The following NOX4 variants were observed in gnomAD, a reference collection of about 807,000 sequenced individuals.
The protein encoded by NOX4 is NADPH oxidase 4, also known as kidney oxidase-1.
A neutral mutation model predicts 87.6 loss-of-function variants in NOX4; 69 were observed. The observed-to-expected ratio is 0.79, with a 90% CI of 0.65 to 0.96. The LOEUF is 0.96. NOX4 is among the 40% of genes least tolerant of loss of function. The pLI is 0.00. For synonymous variants in NOX4, 275 were observed against 238.2 expected, an observed-to-expected ratio of 1.15 and a Z score of -1.42; for missense variants, 680 against 681.5, an observed-to-expected ratio of 1.00 and a Z score of 0.02.
the NOX4 span, among the ~76,000 whole-genome samples, chr11:89,541,090 A>T: frequency 1.3e-5 from 2 of 152,122 alleles, no homozygotes; most frequent in Non-Finnish European, 2.9e-5. Context: ...TGTTGACTGG[A>T]AACTCTGCCT....
intron 12 of NOX4, among the ~76,000 whole-genome samples, chr11:89,359,909 A>T (rs1398890044): frequency 1.3e-5 from 2 of 152,054 alleles, no homozygotes; most frequent in Non-Finnish European, 2.9e-5. Flanking sequence ...TAATAGGTTA[A>T]TTTTTTTATC....
At chr11:89,346,943 G>A (rs372435082) in intron 13 of NOX4, among the ~76,000 whole-genome samples, 9 of 152,122 alleles carry the variant, frequency 5.9e-5, no homozygotes, top group Admixed American at 2.6e-4. Flanking sequence ...TCCTACTTGC[G>A]TAGTTTTGCA....
the NOX4 span, among the ~76,000 whole-genome samples, chr11:89,586,322 C>T: frequency 1.3e-5 from 2 of 152,162 alleles, no homozygotes; most frequent in Non-Finnish European, 2.9e-5. Flanking sequence ...AAGTGTCAGA[C>T]ACTATGCTAA....
At chr11:89,415,310 C>G (rs1362053230) in intron 8 of NOX4, among the ~76,000 whole-genome samples, 2 of 151,982 alleles carry the variant, frequency 1.3e-5, no homozygotes, top group East Asian at 3.9e-4. Flanking sequence ...TTATATTTGT[C>G]AAGTTCTTTT....
chr11:89,477,372 T>C (rs1591351510), intron 2 of NOX4, among the ~76,000 whole-genome samples: 1 of 151,856 alleles, frequency 6.6e-6, no homozygotes, highest in Non-Finnish European at 1.5e-5. Flanking sequence ...CAGGTGGAGC[T>C]CAGGTGGTAA....
At chr11:89,414,270 G>A (rs1349530912) in intron 8 of NOX4, among the ~76,000 whole-genome samples, 3 of 151,886 alleles carry the variant, frequency 2.0e-5, no homozygotes, top group Admixed American at 6.6e-5. Context: ...GTTCGTTTAT[G>A]TATTTACTTT....
chr11:89,517,303 C>T, the NOX4 span, among the ~76,000 whole-genome samples: 647 of 152,056 alleles, frequency 4.3e-3, 5 homozygotes, highest in African/African-American at 0.015. Flanking sequence ...TCTGGATTAT[C>T]GAGTTTTTAA....
At chr11:89,544,579 G>A in the NOX4 span, among the ~76,000 whole-genome samples, 3 of 151,876 alleles carry the variant, frequency 2.0e-5, no homozygotes, top group African/African-American at 7.3e-5. Flanking sequence ...TAGTCTAGAT[G>A]GACATCTTTT....
chr11:89,557,542 T>C, the NOX4 span, among the ~76,000 whole-genome samples: 1,368 of 152,274 alleles, frequency 9.0e-3, 13 homozygotes, highest in Non-Finnish European at 0.011. Context: ...TTGACTGCCT[T>C]CTGTTGACTT....
chr11:89,518,284 C>T, the NOX4 span, among the ~76,000 whole-genome samples: 4 of 151,712 alleles, frequency 2.6e-5, no homozygotes, highest in East Asian at 7.8e-4. Context: ...TTCATACCAA[C>T]CAAAATTTGG....
At chr11:89,479,789 T>A (rs1053306920) in intron 2 of NOX4, among the ~76,000 whole-genome samples, 1 of 152,216 alleles carries the variant, frequency 6.6e-6, no homozygotes, top group African/African-American at 2.4e-5. Context: ...AGTAAACTAC[T>A]TTTCACTAGA....
At chr11:89,468,938 T>C (rs1001301331) in intron 2 of NOX4, among the ~76,000 whole-genome samples, 1 of 152,022 alleles carries the variant, frequency 6.6e-6, no homozygotes, top group African/African-American at 2.4e-5. Context: ...CTATTTTGCC[T>C]AGGCTGATCT....
intron 11 of NOX4, among the ~76,000 whole-genome samples, chr11:89,397,226 A>C (rs1405003979): frequency 1.3e-5 from 2 of 152,130 alleles, no homozygotes; most frequent in East Asian, 3.9e-4. Flanking sequence ...CTACTGGGTA[A>C]ATAATGAAAT....
chr11:89,437,545 G>A (rs1944140596), intron 6 of NOX4, among the ~76,000 whole-genome samples: 1 of 152,032 alleles, frequency 6.6e-6, no homozygotes, highest in African/African-American at 2.4e-5. Flanking sequence ...CCTCCTGCTG[G>A]CCAGCATAGT....
At chr11:89,427,557 C>G (rs368889694) in intron 7 of NOX4, among the ~76,000 whole-genome samples, 2 of 152,040 alleles carry the variant, frequency 1.3e-5, no homozygotes, top group African/African-American at 4.8e-5. Context: ...AACCATGGCA[C>G]GAGAACTACG....
intron 8 of NOX4, among the ~76,000 whole-genome samples, chr11:89,406,392 G>C (rs1010789776): frequency 6.6e-6 from 1 of 152,004 alleles, no homozygotes; most frequent in African/African-American, 2.4e-5. Flanking sequence ...TTTCTTTAAA[G>C]TAGAATGAAA....
At chr11:89,459,930 C>A (rs1188362312) in intron 2 of NOX4, among the ~76,000 whole-genome samples, 1 of 152,160 alleles carries the variant, frequency 6.6e-6, no homozygotes, top group Non-Finnish European at 1.5e-5. Context: ...GCTACAGTAA[C>A]CAAAACAGCA....
At position 89,355,125 on chromosome 11, in the gene NOX4, GTTTAT is replaced by G. The variant is rs1407981463; in HGVS notation, c.1136-87_1136-83del. ...TTCAAAATGGAAGTATTTCCTATTGGTTTATTTTGTTAGACATTTTGACTGTATAT... is the reference window on the plus strand; with the variant it reads ...TTCAAAATGGAAGTATTTCCTATTGGTTTGTTAGACATTTTGACTGTATAT... On this transcript the variant is annotated intron_variant, in intron 12 of 17. Transcript: ENST00000263317. 5.1e-5 allele frequency: 52 copies of G among 1,019,426 alleles called. No individual in the cohort carries two copies. In the East Asian group the frequency reaches 1.3e-3, roughly 25 times the overall value. The allele number at this position is 1,019,426 out of a possible 1,614,324, so 63.1% of individuals were successfully genotyped here. A position where few individuals can be genotyped will look rare whatever the true frequency, so the allele number is the denominator to read the frequency against.
the NOX4 span, chr11:89,557,236 G>T: frequency 6.6e-6 from 1 of 152,116 alleles, no homozygotes; most frequent in African/African-American, 2.4e-5. Flanking sequence ...CAAAAGCCTT[G>T]CTTATGAGTT....
Sources: gnomAD v4.1 joint callset for allele counts (sites outside exome capture counted in the v4.1 genomes callset) on GRCh38, gnomAD v4.1.1 for gene constraint, MANE v1.5 for transcripts, NCBI Gene and HGNC (gene_info 2026-07-23, HGNC 2026-07-21) for gene names.